PANK2: variants seen among roughly 807,000 people sequenced by gnomAD.
PANK2 encodes pantothenate kinase 2, mitochondrial.
In PANK2, 36 loss-of-function variants were observed where a neutral mutation model predicts 43.1. That is an observed-to-expected ratio of 0.84 (90% confidence interval 0.64 to 1.10). The LOEUF (loss-of-function observed/expected upper bound fraction) is 1.10. Among genes scored for constraint, PANK2 ranks in the 50% least tolerant of loss-of-function variants. The pLI is 0.00. For synonymous variants in PANK2, 281 were observed against 238.2 expected, an observed-to-expected ratio of 1.18 and a Z score of -1.66; for missense variants, 576 against 593.3, an observed-to-expected ratio of 0.97 and a Z score of 0.30.
intron 1 of PANK2, 188 bp downstream of exon 1, chr20:3,889,916 C>A: frequency 6.6e-7 from 1 of 1,525,862 alleles, no homozygotes; most frequent in East Asian, 2.5e-5. Context: ...CCTTCGGGGG[C>A]CCCCCCGCAC....
intron 5 of PANK2, among the ~76,000 whole-genome samples, chr20:3,918,046 T>A (rs1305033533): frequency 6.6e-6 from 1 of 152,226 alleles, no homozygotes; most frequent in East Asian, 1.9e-4. Context: ...TGAATTTTAT[T>A]CTTGATATGG....
intron 1 of PANK2, 109 bp downstream of exon 1, chr20:3,889,837 G>A: frequency 6.6e-7 from 1 of 1,520,024 alleles, no homozygotes; most frequent in Non-Finnish European, 8.8e-7. Context: ...CACTGTCCCC[G>A]CACGGTGGTC....
At chr20:3,898,605 C>T (rs986952127) in intron 1 of PANK2, among the ~76,000 whole-genome samples, 1 of 152,024 alleles carries the variant, frequency 6.6e-6, no homozygotes, top group African/African-American at 2.4e-5. Context: ...TTCTCACTGT[C>T]ATTCATTTAA....
At position 3,901,728 on chromosome 20, in the gene PANK2, A is replaced by C. The variant is rs748743677; in HGVS notation, c.299-6198A>C. 17 of 429,030 alleles carry C rather than the reference A, an allele frequency of 4.0e-5. No homozygotes were observed. In the South Asian group the frequency reaches 5.0e-4, roughly 13 times the overall value. 26.6% of individuals were successfully genotyped at this position (429,030 alleles called of 1,614,324 possible). On this transcript the variant is annotated intron_variant, in intron 1 of 6. Coordinates refer to ENST00000610179, the MANE Select transcript of PANK2 (RefSeq NM_001386393.1). ...TTCTTAAAGCTCTTGGATGTTTTAA[A>C]ATTATGGCATTCATCTACCAATTAT... is the stretch of plus-strand genomic sequence containing the variant.
intron 1 of PANK2, among the ~76,000 whole-genome samples, chr20:3,899,051 T>C (rs2090256092): frequency 6.6e-6 from 1 of 151,836 alleles, no homozygotes; most frequent in Non-Finnish European, 1.5e-5. Context: ...ATTTTTTATA[T>C]TTTTAGTAGA....
intron 1 of PANK2, 159 bp downstream of exon 1, chr20:3,889,887 G>A: frequency 1.3e-6 from 2 of 1,532,582 alleles, no homozygotes; most frequent in Non-Finnish European, 1.7e-6. Flanking sequence ...TGGAGGCCTC[G>A]GGTGCTCCGA....
intron 1 of PANK2, among the ~76,000 whole-genome samples, chr20:3,906,939 C>G (rs2090396159): frequency 6.6e-6 from 1 of 151,884 alleles, no homozygotes; most frequent in Admixed American, 6.6e-5. Flanking sequence ...GCTGGGACTA[C>G]AAGCGCACGC....
At chr20:3,894,688 C>T (rs1473228174) in intron 1 of PANK2, among the ~76,000 whole-genome samples, 3 of 151,722 alleles carry the variant, frequency 2.0e-5, no homozygotes, top group Non-Finnish European at 4.4e-5. Flanking sequence ...AAGTGATTCT[C>T]CTGCCTCAGC....
chr20:3,911,936 T>C (rs2090474616), intron 3 of PANK2, among the ~76,000 whole-genome samples: 1 of 152,084 alleles, frequency 6.6e-6, no homozygotes, highest in Admixed American at 6.6e-5. Context: ...ATGTTTCGGC[T>C]TAAGGGTCAG....
chr20:3,905,802 A>G (rs574722001), intron 1 of PANK2, among the ~76,000 whole-genome samples: 17 of 99,888 alleles, frequency 1.7e-4, no homozygotes, highest in South Asian at 6.7e-4. Flanking sequence ...TGAAACCTCC[A>G]CCTCCCGGGT....
intron 6 of PANK2, among the ~76,000 whole-genome samples, chr20:3,922,260 G>A (rs901879858): frequency 2.4e-4 from 36 of 152,192 alleles, no homozygotes; most frequent in African/African-American, 8.2e-4. Flanking sequence ...CATCGTTTTA[G>A]GATTTGCCTC....
At chr20:3,901,991 T>C (rs2090309074) in intron 1 of PANK2, among the ~76,000 whole-genome samples, 1 of 151,948 alleles carries the variant, frequency 6.6e-6, no homozygotes, top group African/African-American at 2.4e-5. Flanking sequence ...CCTTATGATA[T>C]CTTGAAATTT....
Position 3,923,381 on chromosome 20 carries a change from C to T in PANK2, c.*87C>T. 7.5e-7 allele frequency: 1 copy of T among 1,326,184 alleles called. No individual in the cohort carries two copies. Among genetic ancestry groups the T allele is most frequent in the Non-Finnish European group, 1.1e-6 (1 of 919,074 alleles). The allele number at this position is 1,326,184 out of a possible 1,614,324, so 82.2% of individuals were successfully genotyped here. On this transcript the variant is annotated 3_prime_UTR_variant, in exon 7 of 7. Coordinates refer to ENST00000610179, the MANE Select transcript of PANK2 (RefSeq NM_001386393.1). ...TTAAGAGACTTACTCAATTTCATGA[C>T]TGTACTACCTGAAACAAAGTGAGAA... is the stretch of plus-strand genomic sequence containing the variant.
chr20:3,888,959 G>GCC, upstream of PANK2: 29 of 580,770 alleles, frequency 5.0e-5, no homozygotes, highest in South Asian at 2.1e-4. Context: ...CAGACGCTGC[G>GCC]GGAGCACTGC....
intron 1 of PANK2, among the ~76,000 whole-genome samples, chr20:3,897,706 AAAC>A (rs2090232763): frequency 6.6e-6 from 1 of 152,016 alleles, no homozygotes; most frequent in Non-Finnish European, 1.5e-5. Context: ...TCTCTCAAAA[AAAC>A]AAAAACGAAA....
At chr20:3,902,401 C>T (rs1337416281) in intron 1 of PANK2, among the ~76,000 whole-genome samples, 2 of 151,728 alleles carry the variant, frequency 1.3e-5, no homozygotes, top group Non-Finnish European at 2.9e-5. Context: ...ACAATCTTGG[C>T]TCACTGCGAC....
rs904273338 is a variant in PANK2 at position 3,925,770 on chromosome 20, C to T, written c.*2476C>T. The stretch of plus-strand genomic sequence containing the variant: ...CTTGACTGATTTCCAGGGAACACTT[C>T]AACCACCCCTTACCTCTGAGCTCCA... On this transcript the variant is annotated 3_prime_UTR_variant, in exon 7 of 7. Coordinates refer to ENST00000610179, the MANE Select transcript of PANK2 (RefSeq NM_001386393.1). 6.6e-6 allele frequency: 1 copy of T among 152,420 alleles called. No individual in the cohort carries two copies. The highest frequency in any genetic ancestry group is 1.5e-5 in the Non-Finnish European group (1 of 68,220). 9.4% of individuals were successfully genotyped at this position (152,420 alleles called of 1,614,324 possible).
intron 3 of PANK2, among the ~76,000 whole-genome samples, chr20:3,912,062 A>G: frequency 6.6e-6 from 1 of 152,054 alleles, no homozygotes; most frequent in South Asian, 2.1e-4. Context: ...TTGCAGGAGG[A>G]GTATGTTTGG....
chr20:3,918,687 T>C lies in PANK2; in HGVS notation c.1223T>C (p.Val408Ala), dbSNP rs752169196. 6.2e-7 allele frequency: 1 copy of C among 1,614,234 alleles called. No individual in the cohort carries two copies. The highest frequency in any genetic ancestry group is 8.5e-7 in the Non-Finnish European group (1 of 1,180,038). The change falls in exon 6 of 7, where the codon GTA becomes GCA. Residue 408 changes from valine (V) to alanine (A), a missense_variant. Around this residue, in one of 2 missense-constraint regions of PANK2, gnomAD observed 544 missense variants for 528.9 expected, o/e 1.03. Transcript: ENST00000610179. Reference sequence around the variant, plus strand: ...TGTGCTCAGAACATTAACCAGGTGGTATTTGTTGGAAATTTCTTGAGAATT... The same window carrying C: ...TGTGCTCAGAACATTAACCAGGTGGCATTTGTTGGAAATTTCTTGAGAATT...
Sources: gnomAD v4.1 joint callset for allele counts (sites outside exome capture counted in the v4.1 genomes callset) on GRCh38, gnomAD v4.1.1 for gene constraint, gnomAD v4.1.1 regional missense constraint, MANE v1.5 for transcripts, NCBI Gene and HGNC (gene_info 2026-07-23, HGNC 2026-07-21) for gene names.